The following BRINP1 variants were observed in gnomAD, a reference collection of about 807,000 sequenced individuals.
BRINP1 encodes BMP/retinoic acid inducible neural specific 1.
In BRINP1, 17 loss-of-function variants were observed where a neutral mutation model predicts 72.9. The ratio of observed to expected loss-of-function variants is 0.23; its 90% CI spans 0.16 to 0.35. BRINP1 has a LOEUF of 0.35. BRINP1 is among the 10% of genes least tolerant of loss of function. BRINP1 has a pLI of 1.00. For synonymous variants in BRINP1, 418 were observed against 378.5 expected (o/e 1.10, Z -1.21); for missense variants, 850 against 1,001.6 (o/e 0.85, Z 2.04).
At chr9:119,267,776 G>A (rs1337270776) in intron 2 of BRINP1, among the ~76,000 whole-genome samples, 1 of 152,116 alleles carries the variant, frequency 6.6e-6, no homozygotes, top group Non-Finnish European at 1.5e-5. Flanking sequence ...ATAACACCAG[G>A]AGAACAGATG....
intron 2 of BRINP1, among the ~76,000 whole-genome samples, chr9:119,294,419 C>G (rs567591464): frequency 2.6e-5 from 4 of 152,050 alleles, no homozygotes; most frequent in African/African-American, 4.8e-5. Context: ...CCCAGCTACC[C>G]AGGAGGCTGA....
intron 7 of BRINP1, among the ~76,000 whole-genome samples, chr9:119,173,614 C>T (rs1829445153): frequency 6.6e-6 from 1 of 151,558 alleles, no homozygotes; most frequent in African/African-American, 2.4e-5. Flanking sequence ...CTACCAATGA[C>T]TTTCTTCACA....
At chr9:119,316,108 A>G (rs1011110748) in intron 1 of BRINP1, among the ~76,000 whole-genome samples, 1 of 152,166 alleles carries the variant, frequency 6.6e-6, no homozygotes, top group Non-Finnish European at 1.5e-5. Context: ...TGTTTTGGAG[A>G]CAGGGTCTTG....
chr9:119,303,710 C>T (rs1409954349), intron 2 of BRINP1, among the ~76,000 whole-genome samples: 3 of 151,996 alleles, frequency 2.0e-5, no homozygotes, highest in East Asian at 1.9e-4. Context: ...AGAGTACCTA[C>T]GCTACAAAGC....
intron 2 of BRINP1, among the ~76,000 whole-genome samples, chr9:119,269,626 G>C (rs1427359102): frequency 1.3e-5 from 2 of 152,162 alleles, no homozygotes; most frequent in East Asian, 3.9e-4. Context: ...ATGTGGTAGA[G>C]ATTTTTATTT....
chr9:119,172,760 AC>A (rs1417145377), intron 7 of BRINP1, among the ~76,000 whole-genome samples: 1 of 152,092 alleles, frequency 6.6e-6, no homozygotes, highest in Non-Finnish European at 1.5e-5. Flanking sequence ...GAATCCAGCA[AC>A]ACATCAAAAA....
At chr9:119,312,038 T>A (rs1400257142) in intron 2 of BRINP1, among the ~76,000 whole-genome samples, 1 of 152,238 alleles carries the variant, frequency 6.6e-6, no homozygotes, top group Admixed American at 6.5e-5. Flanking sequence ...CCTCCCTTCA[T>A]GGCACATGAT....
rs1244809262 is a variant in BRINP1, at chr9:119,306,992, CT to C, written c.218+6145del. Among the ~76,000 whole-genome samples the C allele has an allele frequency of 1.3e-4, 20 of 151,712 alleles. No individual in the cohort carries two copies. The East Asian group carries it at 3.9e-3, about 29-fold the overall frequency. ...TTATTCAAATATTCTTCCCACCACT[CT>C]TTTTTTTTCTTCTTCCCCAGAAATG... On this transcript the variant is annotated intron_variant, in intron 2 of 7. Transcript: ENST00000265922.
chr9:119,216,174 GGT>G (rs2118879479), intron 5 of BRINP1, among the ~76,000 whole-genome samples: 1 of 152,332 alleles, frequency 6.6e-6, no homozygotes, highest in East Asian at 1.9e-4. Context: ...AAGAAAAACA[GGT>G]GTGGGTGTAT....
intron 7 of BRINP1, among the ~76,000 whole-genome samples, chr9:119,170,786 G>A (rs1161011492): frequency 7.2e-6 from 1 of 138,514 alleles, no homozygotes; most frequent in Non-Finnish European, 1.5e-5. Flanking sequence ...AGATCTCTCG[G>A]CAGAAACCCT....
At chr9:119,227,632 T>TA (rs1830105676) in intron 5 of BRINP1, among the ~76,000 whole-genome samples, 1 of 152,102 alleles carries the variant, frequency 6.6e-6, no homozygotes, top group African/African-American at 2.4e-5. Context: ...AGAGAGGCTG[T>TA]AGGCATGAGC....
chr9:119,306,263 C>T (rs1830997335), intron 2 of BRINP1, among the ~76,000 whole-genome samples: 1 of 152,162 alleles, frequency 6.6e-6, no homozygotes, highest in African/African-American at 2.4e-5. Flanking sequence ...AGCAATAAAG[C>T]TATCATTTTT....
At chr9:119,303,262 A>G (rs532441515) in intron 2 of BRINP1, among the ~76,000 whole-genome samples, 46 of 148,512 alleles carry the variant, frequency 3.1e-4, no homozygotes, top group Non-Finnish European at 5.2e-4. Context: ...AAAGTTACCT[A>G]CACCCCCCAC....
chr9:119,302,260 A>G (rs538780931), intron 2 of BRINP1, among the ~76,000 whole-genome samples: 1 of 152,302 alleles, frequency 6.6e-6, no homozygotes, highest in Non-Finnish European at 1.5e-5. Flanking sequence ...TACAATTTCA[A>G]AGTACTGCAA....
intron 2 of BRINP1, among the ~76,000 whole-genome samples, chr9:119,287,627 G>A (rs1830776169): frequency 6.6e-6 from 1 of 152,182 alleles, no homozygotes; most frequent in Non-Finnish European, 1.5e-5. Flanking sequence ...TCAGGTTCAT[G>A]GAAGTAACAG....
intron 2 of BRINP1, among the ~76,000 whole-genome samples, chr9:119,303,350 C>A (rs1830961043): frequency 7.0e-6 from 1 of 143,574 alleles, no homozygotes; most frequent in South Asian, 2.2e-4. Context: ...CTGCTGATTG[C>A]CATGGATGTT....
chr9:119,351,996 C>T (rs999252606), intron 1 of BRINP1, among the ~76,000 whole-genome samples: 1 of 151,818 alleles, frequency 6.6e-6, no homozygotes, highest in African/African-American at 2.4e-5. Context: ...TGGGGTTTCA[C>T]CATGTTGGCC....
chr9:119,238,563 C>G (rs1830214046), intron 5 of BRINP1, 92 bp downstream of exon 5: 1 of 695,678 alleles, frequency 1.4e-6, no homozygotes, highest in African/African-American at 1.8e-5. Flanking sequence ...TCTTTATTCT[C>G]CCTTCACTCC....
intron 7 of BRINP1, among the ~76,000 whole-genome samples, chr9:119,192,029 T>C (rs1469186175): frequency 6.6e-6 from 1 of 151,968 alleles, no homozygotes; most frequent in Non-Finnish European, 1.5e-5. Context: ...TAAATGGTGC[T>C]AGGAAAACTA....
Sources: gnomAD v4.1 joint callset for allele counts (sites outside exome capture counted in the v4.1 genomes callset) on GRCh38, gnomAD v4.1.1 for gene constraint, MANE v1.5 for transcripts, NCBI Gene and HGNC (gene_info 2026-07-23, HGNC 2026-07-21) for gene names.